FAM13A: variants seen among roughly 807,000 people sequenced by gnomAD.
FAM13A encodes the protein protein FAM13A.
Under a neutral mutation model 129.6 loss-of-function variants are expected in FAM13A, and 76 were observed. The observed-to-expected ratio is 0.59, with a 90% CI of 0.49 to 0.71. FAM13A has a LOEUF of 0.71. Among genes scored for constraint, FAM13A ranks in the 30% least tolerant of loss-of-function variants. The pLI is 0.00. For synonymous variants in FAM13A, 443 were observed against 449.9 expected, an observed-to-expected ratio of 0.98 and a Z score of 0.20; for missense variants, 1,108 against 1,249.3, an observed-to-expected ratio of 0.89 and a Z score of 1.70.
At chr4:88,904,589 G>T (rs1243618200) in intron 6 of FAM13A, among the ~76,000 whole-genome samples, 1 of 152,094 alleles carries the variant, frequency 6.6e-6, no homozygotes, top group Non-Finnish European at 1.5e-5. Context: ...ACACCGGGAG[G>T]GGAATAACAC....
chr4:88,786,167 A>G (rs1357765528), intron 10 of FAM13A, among the ~76,000 whole-genome samples: 1 of 151,920 alleles, frequency 6.6e-6, no homozygotes, highest in Admixed American at 6.6e-5. Context: ...ATCTGTTTCT[A>G]CCTCCACTGT....
In FAM13A at chr4:88,739,376, T is replaced by C. The variant is rs1435286622; in HGVS notation, c.2467-251A>G. Among the ~76,000 whole-genome samples, 5 of 152,124 alleles carry C rather than the reference T, an allele frequency of 3.3e-5. No individual in the cohort carries two copies. The East Asian group carries it at 9.6e-4, about 29-fold the overall frequency. Reference sequence around the variant, plus strand: ...TGCTTTTTCTAAATCCAAACTAGGATCATTCTTAGGTTCCTGCTTCCTGCT... The same window carrying C: ...TGCTTTTTCTAAATCCAAACTAGGACCATTCTTAGGTTCCTGCTTCCTGCT... On this transcript the variant is annotated intron_variant, in intron 19 of 23. Transcript: ENST00000264344.
intron 4 of FAM13A, among the ~76,000 whole-genome samples, chr4:88,987,613 G>A (rs1402207741): frequency 6.6e-6 from 1 of 152,018 alleles, no homozygotes; most frequent in African/African-American, 2.4e-5. Flanking sequence ...CCAGCACTTT[G>A]GGAGGCCGAG....
At chr4:88,970,457 A>G (rs1428061593) in intron 4 of FAM13A, among the ~76,000 whole-genome samples, 1 of 151,280 alleles carries the variant, frequency 6.6e-6, no homozygotes, top group East Asian at 1.9e-4. Context: ...ATATATATAT[A>G]TGATACATAA....
chr4:88,940,892 A>C (rs974555797), intron 4 of FAM13A, among the ~76,000 whole-genome samples: 2 of 152,192 alleles, frequency 1.3e-5, no homozygotes, highest in Non-Finnish European at 2.9e-5. Flanking sequence ...AGACTCACAG[A>C]GTTTTATTTC....
At chr4:88,883,958 C>A (rs1268805622) in intron 6 of FAM13A, among the ~76,000 whole-genome samples, 2 of 151,942 alleles carry the variant, frequency 1.3e-5, no homozygotes, top group African/African-American at 4.8e-5. Flanking sequence ...CTAGATTATA[C>A]TAGGAAGAAC....
chr4:89,020,936 CA>C (rs11350137), intron 2 of FAM13A, among the ~76,000 whole-genome samples: 10,422 of 152,056 alleles, frequency 0.069, 1,182 homozygotes, highest in African/African-American at 0.23. Context: ...AAACATAGAG[CA>C]AAACAGAGTA....
In FAM13A at chr4:88,728,568, T is replaced by C. The variant is rs781605328; in HGVS notation, c.3037A>G (p.Ile1013Val). ...KAKLRLLEVL[I>V]SKRDTDSKSM Reference sequence around the variant, plus strand: ...TTGGAATCAGTGTCTCTCTTGCTGATGAGCACCTCCAGGAGCCTCAGTTTC... The same window carrying C: ...TTGGAATCAGTGTCTCTCTTGCTGACGAGCACCTCCAGGAGCCTCAGTTTC... The change falls in exon 24 of 24, where the codon ATC (isoleucine) becomes GTC (valine). Residue 1013 changes from isoleucine to valine, a missense_variant. By Grantham distance (29) the Ile-to-Val change is conservative (BLOSUM62 3). Coordinates refer to ENST00000264344, the MANE Select transcript of FAM13A (RefSeq NM_014883.4). 4 of 1,614,210 alleles carry C rather than the reference T, an allele frequency of 2.5e-6. No homozygotes were observed. The highest frequency in any genetic ancestry group is 3.4e-6 in the Non-Finnish European group (4 of 1,180,014).
intron 11 of FAM13A, among the ~76,000 whole-genome samples, chr4:88,768,804 G>A (rs1187377154): frequency 6.6e-6 from 1 of 152,148 alleles, no homozygotes; most frequent in Non-Finnish European, 1.5e-5. Flanking sequence ...CTGACCAGGT[G>A]GGGTTAATGC....
chr4:88,937,965 C>T (rs750475814), intron 5 of FAM13A, 123 bp downstream of exon 5: 11 of 665,364 alleles, frequency 1.7e-5, no homozygotes, highest in Non-Finnish European at 2.6e-5. Flanking sequence ...AAGAAGGATT[C>T]ACTATACACA....
chr4:89,053,037 T>A (rs115162813), intron 1 of FAM13A, among the ~76,000 whole-genome samples: 2,235 of 152,290 alleles, frequency 0.015, 59 homozygotes, highest in African/African-American at 0.051. Context: ...TTACAAGCAG[T>A]GAGGAGAAAC....
At chr4:88,808,734 T>C (rs921644818) in intron 7 of FAM13A, among the ~76,000 whole-genome samples, 19 of 152,032 alleles carry the variant, frequency 1.2e-4, no homozygotes. Flanking sequence ...ATTTGCTGAC[T>C]CTCAATAATG....
chr4:89,005,601 A>T (rs950111651), intron 3 of FAM13A, among the ~76,000 whole-genome samples: 3 of 152,182 alleles, frequency 2.0e-5, no homozygotes, highest in Non-Finnish European at 4.4e-5. Context: ...CTTCTTAGTA[A>T]TAGCCATCCT....
At chr4:88,871,592 G>A (rs1741404124) in intron 6 of FAM13A, among the ~76,000 whole-genome samples, 2 of 152,158 alleles carry the variant, frequency 1.3e-5, no homozygotes, top group South Asian at 4.1e-4. Context: ...GAGAAGTTTA[G>A]AGAAAAAAGA....
intron 1 of FAM13A, among the ~76,000 whole-genome samples, chr4:89,038,575 T>C (rs1769697007): frequency 6.6e-6 from 1 of 152,212 alleles, no homozygotes; most frequent in Non-Finnish European, 1.5e-5. Context: ...GTAACCACTG[T>C]AAATAATAAC....
intron 5 of FAM13A, among the ~76,000 whole-genome samples, chr4:88,933,788 C>G (rs1403148826): frequency 2.0e-5 from 3 of 152,154 alleles, no homozygotes; most frequent in African/African-American, 7.2e-5. Context: ...CATTGCCCTA[C>G]TTCTGCCTAT....
At chr4:88,906,953 T>C (rs1748271601) in intron 5 of FAM13A, among the ~76,000 whole-genome samples, 1 of 152,244 alleles carries the variant, frequency 6.6e-6, no homozygotes, top group East Asian at 1.9e-4. Context: ...TATTAACACC[T>C]TGTGGAAGAA....
intron 6 of FAM13A, among the ~76,000 whole-genome samples, chr4:88,891,545 T>C (rs1009574296): frequency 2.0e-5 from 3 of 152,178 alleles, no homozygotes; most frequent in Non-Finnish European, 4.4e-5. Flanking sequence ...GATACAACCA[T>C]ACTAAACAAA....
At chr4:88,798,221 A>C (rs1456353722) in intron 8 of FAM13A, among the ~76,000 whole-genome samples, 1 of 152,136 alleles carries the variant, frequency 6.6e-6, no homozygotes, top group African/African-American at 2.4e-5. Flanking sequence ...GGAGAACTGG[A>C]AACAAATTTG....
Sources: allele counts gnomAD v4.1 joint callset (sites outside exome capture counted in the v4.1 genomes callset), GRCh38; gene constraint gnomAD v4.1.1; transcripts MANE v1.5; gene names NCBI Gene and HGNC (gene_info 2026-07-23, HGNC 2026-07-21).